Variants in PDGFD observed in about 807,000 individuals in gnomAD.
PDGFD encodes the protein platelet derived growth factor D, also known as platelet-derived growth factor D.
A neutral mutation model predicts 44.7 loss-of-function variants in PDGFD; 30 were observed. The observed-to-expected ratio is 0.67, with a 90% CI of 0.50 to 0.91. The LOEUF (loss-of-function observed/expected upper bound fraction) is 0.91, where lower values mean the gene tolerates loss of function less well. PDGFD is among the 40% of genes least tolerant of loss of function. The probability of loss-of-function intolerance (pLI) is 0.00; values close to 1 mark genes in which losing one functional copy is unlikely to be tolerated. For synonymous variants in PDGFD, 173 were observed against 168.4 expected, an observed-to-expected ratio of 1.03 and a Z score of -0.21; for missense variants, 445 against 457.8, an observed-to-expected ratio of 0.97 and a Z score of 0.25.
chr11:103,985,574 A>G (rs1859350256), intron 3 of PDGFD, among the ~76,000 whole-genome samples: 1 of 151,780 alleles, frequency 6.6e-6, no homozygotes. Context: ...AAGGAAATAT[A>G]CATGAGAAAT....
intron 4 of PDGFD, chr11:103,946,461 C>T (rs565567499): frequency 6.6e-6 from 1 of 152,286 alleles, no homozygotes; most frequent in Non-Finnish European, 1.5e-5. Context: ...TCCTTTAAGG[C>T]TTGTAATTCT....
intron 1 of PDGFD, among the ~76,000 whole-genome samples, chr11:104,027,647 C>T (rs981632849): frequency 3.3e-5 from 5 of 152,338 alleles, no homozygotes; most frequent in South Asian, 4.1e-4. Context: ...AGGCTTTCTA[C>T]GTCACTGACC....
At chr11:104,091,302 T>G (rs955867529) in intron 1 of PDGFD, among the ~76,000 whole-genome samples, 1 of 152,170 alleles carries the variant, frequency 6.6e-6, no homozygotes, top group Non-Finnish European at 1.5e-5. Flanking sequence ...AATCAGGAAT[T>G]TTTTTTCTTT....
chr11:104,077,747 A>G (rs1182023951), intron 1 of PDGFD, among the ~76,000 whole-genome samples: 4 of 152,304 alleles, frequency 2.6e-5, no homozygotes, highest in Admixed American at 1.3e-4. Context: ...TATCTTGTAA[A>G]TTAAACATAT....
chr11:103,914,346 C>T (rs1858079882), intron 6 of PDGFD, among the ~76,000 whole-genome samples: 1 of 152,038 alleles, frequency 6.6e-6, no homozygotes. Flanking sequence ...GGTCATGATC[C>T]CTTTGGCCTT....
At chr11:104,155,669 G>C (rs1862297310) in intron 1 of PDGFD, among the ~76,000 whole-genome samples, 2 of 152,182 alleles carry the variant, frequency 1.3e-5, no homozygotes, top group African/African-American at 2.4e-5. Context: ...TACACATTCT[G>C]TGACACTGAT....
intron 1 of PDGFD, among the ~76,000 whole-genome samples, chr11:104,088,780 A>C (rs1029822206): frequency 1.1e-4 from 16 of 152,168 alleles, no homozygotes; most frequent in Non-Finnish European, 1.9e-4. Context: ...ATGAGATATC[A>C]GAACAGCCAG....
At chr11:103,987,948 A>G (rs774464970) in intron 3 of PDGFD, among the ~76,000 whole-genome samples, 3 of 152,134 alleles carry the variant, frequency 2.0e-5, no homozygotes, top group Non-Finnish European at 4.4e-5. Context: ...TCCCTGCCTT[A>G]TAATTGTGTA....
chr11:103,960,043 A>G (rs1436135729), intron 3 of PDGFD, among the ~76,000 whole-genome samples: 2 of 152,194 alleles, frequency 1.3e-5, no homozygotes, highest in African/African-American at 4.8e-5. Flanking sequence ...TTTATGAGTG[A>G]AAACACTAGG....
At chr11:104,010,664 A>G (rs1335965082) in intron 1 of PDGFD, among the ~76,000 whole-genome samples, 1 of 152,136 alleles carries the variant, frequency 6.6e-6, no homozygotes, top group African/African-American at 2.4e-5. Flanking sequence ...TTGACCCAAA[A>G]TAACCATGGT....
intron 1 of PDGFD, among the ~76,000 whole-genome samples, chr11:104,082,626 T>C (rs1433542529): frequency 6.3e-4 from 1 of 1,596 alleles, no homozygotes; most frequent in Non-Finnish European, 3.8e-3. Flanking sequence ...ATAAATAAAT[T>C]TGTTTTTTTT....
chr11:103,918,916 T>C (rs1306080443), intron 6 of PDGFD, among the ~76,000 whole-genome samples: 1 of 152,164 alleles, frequency 6.6e-6, no homozygotes, highest in Admixed American at 6.5e-5. Context: ...CTGGTCACCT[T>C]TAAAGGGAAG....
At chr11:104,129,664 C>A (rs1418117529) in intron 1 of PDGFD, among the ~76,000 whole-genome samples, 2 of 152,068 alleles carry the variant, frequency 1.3e-5, no homozygotes, top group African/African-American at 4.8e-5. Context: ...AAGTTAAATA[C>A]TGTAATCAGT....
chr11:104,003,259 C>T (rs1859647239), intron 1 of PDGFD, among the ~76,000 whole-genome samples: 1 of 152,208 alleles, frequency 6.6e-6, no homozygotes, highest in Non-Finnish European at 1.5e-5. Context: ...CTGCCCAGAA[C>T]AGAGCCCAAG....
chr11:103,932,842 G>A (rs1488328658), intron 5 of PDGFD, among the ~76,000 whole-genome samples: 1 of 152,172 alleles, frequency 6.6e-6, no homozygotes, highest in African/African-American at 2.4e-5. Flanking sequence ...AATGCATAGA[G>A]TATTATTAAT....
intron 1 of PDGFD, among the ~76,000 whole-genome samples, chr11:104,029,719 G>A (rs948080877): frequency 6.6e-6 from 1 of 152,166 alleles, no homozygotes; most frequent in African/African-American, 2.4e-5. Flanking sequence ...CTTGGCCAGT[G>A]GCTAGATCTT....
chr11:103,985,142 A>AAT (rs1859342514), intron 3 of PDGFD, among the ~76,000 whole-genome samples: 1 of 105,828 alleles, frequency 9.4e-6, no homozygotes, highest in African/African-American at 3.9e-5. Context: ...TTTAATATAT[A>AAT]ATATATTAAT....
In PDGFD at chr11:103,951,798, C is replaced by T. The variant is rs556880560; in HGVS notation, c.511-4074G>A. Among the ~76,000 whole-genome samples the T allele has an allele frequency of 7.9e-5, 12 of 152,308 alleles. No individual in the cohort carries two copies. In the East Asian group the frequency reaches 1.9e-3, roughly 24 times the overall value. ...TTTAAAATACTCCCACTCTTGGTCACTCTATCTACTTAACCTGCTTAATTT... is the reference window on the plus strand; with the variant it reads ...TTTAAAATACTCCCACTCTTGGTCATTCTATCTACTTAACCTGCTTAATTT... On this transcript the variant is annotated intron_variant, in intron 3 of 6. Coordinates refer to ENST00000393158, the MANE Select transcript of PDGFD (RefSeq NM_025208.5).
intron 3 of PDGFD, among the ~76,000 whole-genome samples, chr11:103,965,826 C>G (rs1162157555): frequency 6.6e-6 from 1 of 151,876 alleles, no homozygotes; most frequent in East Asian, 1.9e-4. Context: ...AATGGAAAAC[C>G]CTGACACTTC....
Sources: allele counts gnomAD v4.1 joint callset (sites outside exome capture counted in the v4.1 genomes callset), GRCh38; gene constraint gnomAD v4.1.1; transcripts MANE v1.5; gene names NCBI Gene and HGNC (gene_info 2026-07-23, HGNC 2026-07-21).